Variants in SNTG1 observed in about 807,000 individuals in gnomAD.
SNTG1 encodes gamma-1-syntrophin.
A neutral mutation model predicts 74.7 loss-of-function variants in SNTG1; 39 were observed. The ratio of observed to expected loss-of-function variants is 0.52; its 90% CI spans 0.40 to 0.68. The LOEUF is 0.68. Among genes scored for constraint, SNTG1 ranks in the 30% least tolerant of loss-of-function variants. SNTG1 has a pLI of 0.00. For missense variants in SNTG1, 685 were observed against 609.5 expected (o/e 1.12, Z -1.30); for synonymous variants, 254 against 217.1 (o/e 1.17, Z -1.49).
intron 1 of SNTG1, among the ~76,000 whole-genome samples, chr8:50,003,243 T>A (rs530175588): frequency 2.7e-4 from 41 of 152,328 alleles, no homozygotes; most frequent in South Asian, 1.4e-3. Flanking sequence ...GCTGATGATA[T>A]AAAAATTGTC....
intron 2 of SNTG1, among the ~76,000 whole-genome samples, chr8:50,334,514 A>AG (rs2091075502): frequency 6.6e-6 from 1 of 151,828 alleles, no homozygotes; most frequent in Non-Finnish European, 1.5e-5. Flanking sequence ...CTAAAAAAAA[A>AG]AAAAAGGAAA....
At chr8:50,320,848 T>C in intron 2 of SNTG1, among the ~76,000 whole-genome samples, 1 of 152,164 alleles carries the variant, frequency 6.6e-6, no homozygotes, top group East Asian at 1.9e-4. Flanking sequence ...TACTTATTTC[T>C]AATTTTATTC....
At chr8:50,487,724 A>T (rs1250996157) in intron 8 of SNTG1, among the ~76,000 whole-genome samples, 1 of 151,836 alleles carries the variant, frequency 6.6e-6, no homozygotes, top group African/African-American at 2.4e-5. Context: ...ACTGGGAGAT[A>T]TACCTAATGC....
At chr8:50,196,204 C>T (rs2131814589) in intron 2 of SNTG1, among the ~76,000 whole-genome samples, 1 of 152,134 alleles carries the variant, frequency 6.6e-6, no homozygotes, top group East Asian at 1.9e-4. Flanking sequence ...AGTTTTTGAC[C>T]TAGTGTCAAG....
chr8:50,790,313 A>C (rs1468909123), intron 18 of SNTG1, among the ~76,000 whole-genome samples: 2 of 151,984 alleles, frequency 1.3e-5, no homozygotes, highest in East Asian at 3.9e-4. Flanking sequence ...GAGTAGATGC[A>C]TAGGAAGCAT....
intron 1 of SNTG1, among the ~76,000 whole-genome samples, chr8:50,065,668 A>G (rs1223326021): frequency 6.6e-6 from 1 of 152,222 alleles, no homozygotes; most frequent in East Asian, 1.9e-4. Flanking sequence ...CTGATCCAAC[A>G]GAATGTTATG....
chr8:50,214,253 T>C (rs1316746450), intron 2 of SNTG1, among the ~76,000 whole-genome samples: 6 of 102,278 alleles, frequency 5.9e-5, no homozygotes, highest in Admixed American at 1.4e-4. Flanking sequence ...CTCTGGGGAC[T>C]GTTGTGGGGT....
chr8:50,081,301 A>G (rs1453617204), intron 1 of SNTG1, among the ~76,000 whole-genome samples: 1 of 152,140 alleles, frequency 6.6e-6, no homozygotes, highest in African/African-American at 2.4e-5. Flanking sequence ...AGCAATAATC[A>G]TGTTGTATAT....
chr8:49,930,794 C>T (rs561336793), intron 1 of SNTG1, among the ~76,000 whole-genome samples: 1 of 151,880 alleles, frequency 6.6e-6, no homozygotes, highest in African/African-American at 2.4e-5. Context: ...TTGCACACAG[C>T]GATGCTCCCA....
chr8:50,013,472 TAG>T (rs1216695870), intron 1 of SNTG1, among the ~76,000 whole-genome samples: 1 of 143,292 alleles, frequency 7.0e-6, no homozygotes, highest in Non-Finnish European at 1.5e-5. Flanking sequence ...GAGAGATAGA[TAG>T]ATAGATAGAT....
Position 50,413,338 on chromosome 8 carries a change from G to GT in SNTG1, c.162+11001dup, listed in dbSNP as rs796434813. On this transcript the variant is annotated intron_variant, in intron 4 of 18. Coordinates refer to ENST00000642720, the MANE Select transcript of SNTG1 (RefSeq NM_018967.5). ...TAGATTAATTTAACACTGTTCATTTGTTTTTTTCTTCTTCCTTAAAATGGT... is the reference window on the plus strand; with the variant it reads ...TAGATTAATTTAACACTGTTCATTTGTTTTTTTTCTTCTTCCTTAAAATGGT... Among the ~76,000 whole-genome samples, 39 of 152,116 alleles carry GT rather than the reference G, an allele frequency of 2.6e-4. 1 individual carries two copies. The highest frequency in any genetic ancestry group is 9.2e-4 in the African/African-American group (38 of 41,512).
At chr8:50,051,949 G>A (rs1819613613) in intron 1 of SNTG1, among the ~76,000 whole-genome samples, 1 of 151,988 alleles carries the variant, frequency 6.6e-6, no homozygotes, top group Non-Finnish European at 1.5e-5. Context: ...ATATTTCATG[G>A]TGATGGATTT....
intron 15 of SNTG1, among the ~76,000 whole-genome samples, chr8:50,688,389 G>T (rs150728602): frequency 0.1 from 15,558 of 152,136 alleles, 2,232 homozygotes; most frequent in African/African-American, 0.32. Flanking sequence ...TATGGTTTTA[G>T]GTCTAACATT....
At chr8:50,363,603 T>C (rs1032686559) in intron 2 of SNTG1, among the ~76,000 whole-genome samples, 1 of 152,168 alleles carries the variant, frequency 6.6e-6, no homozygotes, top group African/African-American at 2.4e-5. Flanking sequence ...TTGTAAGACA[T>C]ATTGGATTTT....
chr8:50,162,559 C>CAAAAAAAAAA (rs34746562), intron 1 of SNTG1, among the ~76,000 whole-genome samples: 11 of 83,880 alleles, frequency 1.3e-4, no homozygotes, highest in African/African-American at 1.8e-4. Context: ...GACTCTGTCT[C>CAAAAAAAAAA]AAAAAAAAAA....
intron 2 of SNTG1, among the ~76,000 whole-genome samples, chr8:50,233,774 G>A (rs1423666668): frequency 2.0e-5 from 3 of 151,572 alleles, no homozygotes; most frequent in Non-Finnish European, 3.0e-5. Context: ...GAGGCTATAT[G>A]GATGGCAAAT....
At chr8:50,405,854 A>G (rs1274585741) in intron 4 of SNTG1, among the ~76,000 whole-genome samples, 2 of 152,120 alleles carry the variant, frequency 1.3e-5, no homozygotes, top group African/African-American at 4.8e-5. Context: ...ATTCTTTAGC[A>G]TTTGGATATC....
chr8:50,448,798 GC>G (rs2093428992), intron 5 of SNTG1, among the ~76,000 whole-genome samples: 2 of 152,102 alleles, frequency 1.3e-5, no homozygotes, highest in South Asian at 4.1e-4. Context: ...ACTTTGGGAT[GC>G]CGAGGCAGTT....
intron 2 of SNTG1, among the ~76,000 whole-genome samples, chr8:50,336,514 T>C (rs1587194253): frequency 1.3e-5 from 2 of 152,162 alleles, no homozygotes; most frequent in South Asian, 4.1e-4. Flanking sequence ...TTTTTCCTTA[T>C]ATTTTTAACA....
Sources: allele counts gnomAD v4.1 joint callset (sites outside exome capture counted in the v4.1 genomes callset), GRCh38; gene constraint gnomAD v4.1.1; transcripts MANE v1.5; gene names NCBI Gene and HGNC (gene_info 2026-07-23, HGNC 2026-07-21).